Variants in FBXL2 observed in about 807,000 individuals in gnomAD.
FBXL2 encodes F-box and leucine rich repeat protein 2, also known as F-box/LRR-repeat protein 2.
A neutral mutation model predicts 69.2 loss-of-function variants in FBXL2; 38 were observed. The ratio of observed to expected loss-of-function variants is 0.55; its 90% CI spans 0.42 to 0.72. The LOEUF is 0.72. Among genes scored for constraint, FBXL2 ranks in the 30% least tolerant of loss-of-function variants. The probability of loss-of-function intolerance (pLI) is 0.00; values close to 1 mark genes in which losing one functional copy is unlikely to be tolerated. For synonymous variants in FBXL2, 192 were observed against 201.3 expected, an observed-to-expected ratio of 0.95 and a Z score of 0.39; for missense variants, 354 against 520.3, an observed-to-expected ratio of 0.68 and a Z score of 3.11.
In FBXL2 at chr3:33,324,008, G is replaced by A. The variant is rs535907000; in HGVS notation, c.65+26283G>A. Among the ~76,000 whole-genome samples, 125 of 152,272 alleles carry A rather than the reference G, an allele frequency of 8.2e-4. 1 individual carries two copies. The highest frequency in any genetic ancestry group is 1.7e-3 in the Admixed American group (26 of 15,298). On this transcript the variant is annotated intron_variant, in intron 2 of 14. Transcript: ENST00000484457. ...TTTAATGATCGCCATTCTAACTGGCGTGAGATAGTATCTCATTGTGGTTTT... is the reference window on the plus strand; with the variant it reads ...TTTAATGATCGCCATTCTAACTGGCATGAGATAGTATCTCATTGTGGTTTT...
intron 2 of FBXL2, among the ~76,000 whole-genome samples, chr3:33,350,449 T>A (rs1014409728): frequency 2.0e-5 from 3 of 151,402 alleles, no homozygotes; most frequent in Admixed American, 6.6e-5. Flanking sequence ...TTTTTTTTTT[T>A]AAAGACAGAG....
chr3:33,391,297 C>G (rs2043753960), downstream of FBXL2: 1 of 152,206 alleles, frequency 6.6e-6, no homozygotes, highest in Non-Finnish European at 1.5e-5. Context: ...TCTTAGCTCA[C>G]CTGACTTTTA....
intron 4 of FBXL2, among the ~76,000 whole-genome samples, chr3:33,360,941 TTTTTTTTTGA>T (rs2041575005): frequency 1.7e-5 from 2 of 119,912 alleles, no homozygotes; most frequent in African/African-American, 7.6e-5. Flanking sequence ...TTTTTTTTTT[TTTTTTTTTGA>T]GACAGAGTCT....
intron 4 of FBXL2, among the ~76,000 whole-genome samples, chr3:33,363,711 A>AT (rs529599931): frequency 1.6e-3 from 246 of 152,332 alleles, no homozygotes; most frequent in African/African-American, 5.6e-3. Flanking sequence ...GATCTTCTGT[A>AT]TTCCACACAT....
At chr3:33,350,620 G>A (rs938232632) in intron 2 of FBXL2, among the ~76,000 whole-genome samples, 1 of 151,914 alleles carries the variant, frequency 6.6e-6, no homozygotes, top group Non-Finnish European at 1.5e-5. Flanking sequence ...TTTTTTAGTA[G>A]AGATGGGGTT....
At chr3:33,408,128 T>C (rs1046080887), downstream of FBXL2, among the ~76,000 whole-genome samples, 4 of 152,070 alleles carry the variant, frequency 2.6e-5, no homozygotes, top group Non-Finnish European at 4.4e-5. Flanking sequence ...TTTTTTTTTT[T>C]CTACCAGTGC....
chr3:33,419,533 C>T, the FBXL2 span, among the ~76,000 whole-genome samples: 1 of 150,442 alleles, frequency 6.6e-6, no homozygotes, highest in East Asian at 2.0e-4. Context: ...GAGGCTGAGG[C>T]AGGAGAATCA....
chr3:33,420,190 G>T, the FBXL2 span, among the ~76,000 whole-genome samples: 1 of 152,124 alleles, frequency 6.6e-6, no homozygotes, highest in Non-Finnish European at 1.5e-5. Flanking sequence ...TTAGTAACAT[G>T]AACTGAAACT....
Position 33,401,217 on chromosome 3 carries a change from T to C in FBXL2, n.1215-2017T>C, listed in dbSNP as rs144284165. Reference sequence around the variant, plus strand: ...ATGACGAAATTAAGACACAGAAGACTGTGTCTTAATTTGTGCCTTCTTCAT... The same window carrying C: ...ATGACGAAATTAAGACACAGAAGACCGTGTCTTAATTTGTGCCTTCTTCAT... On this transcript the variant is annotated intron_variant and non_coding_transcript_variant, in intron 12 of 12. Transcript: ENST00000463736. 4.1e-4 allele frequency among the ~76,000 whole-genome samples: 63 copies of C among 152,304 alleles called. No homozygotes were observed. In the East Asian group the frequency reaches 0.012, roughly 28 times the overall value.
chr3:33,296,930 A>G (rs1412536055), intron 1 of FBXL2, among the ~76,000 whole-genome samples: 1 of 152,172 alleles, frequency 6.6e-6, no homozygotes, highest in African/African-American at 2.4e-5. Context: ...TCTGTAAAAA[A>G]GGCAGCTGTA....
At chr3:33,359,230 A>G (rs757404012) in intron 3 of FBXL2, 53 bp from the exon 4 acceptor site, 131 of 1,474,242 alleles carry the variant, frequency 8.9e-5, no homozygotes, top group Non-Finnish European at 1.2e-4. Context: ...AATAGTCTCA[A>G]TAAATGTGTT....
chr3:33,382,090 C>T (rs945260019), intron 13 of FBXL2, among the ~76,000 whole-genome samples: 5 of 152,128 alleles, frequency 3.3e-5, no homozygotes, highest in Admixed American at 2.6e-4. Context: ...TTTTATTCTG[C>T]AGGAATACCT....
In FBXL2 at chr3:33,358,949, T is replaced by G; in HGVS notation, c.66-18T>G. 6.7e-7 allele frequency: 1 copy of G among 1,500,838 alleles called. No individual in the cohort carries two copies. The highest frequency in any genetic ancestry group is 9.0e-7 in the Non-Finnish European group (1 of 1,113,690). The allele number at this position is 1,500,838 out of a possible 1,614,324, so 93.0% of individuals were successfully genotyped here. On this transcript the variant is annotated intron_variant, in intron 2 of 14. Coordinates refer to ENST00000484457, the MANE Select transcript of FBXL2 (RefSeq NM_012157.5). ...GTTAACACCATCTCGTTTTTGTGTT[T>G]TTTTCCTCTCTCTGTAGAATATTTT... is the stretch of plus-strand genomic sequence containing the variant.
At chr3:33,382,692 C>T (rs764028266) in intron 13 of FBXL2, 1 of 152,168 alleles carries the variant, frequency 6.6e-6, no homozygotes, top group Admixed American at 6.5e-5. Context: ...TCAGAAACAT[C>T]GAAATAACCC....
intron 10 of FBXL2, among the ~76,000 whole-genome samples, chr3:33,376,491 G>T (rs1261961529): frequency 3.3e-5 from 5 of 152,138 alleles, no homozygotes; most frequent in African/African-American, 4.8e-5. Flanking sequence ...ATCAAAACTG[G>T]CCAGAAAGGA....
downstream of FBXL2, among the ~76,000 whole-genome samples, chr3:33,404,731 A>G (rs1290760030): frequency 1.3e-5 from 2 of 152,208 alleles, no homozygotes; most frequent in Non-Finnish European, 2.9e-5. Flanking sequence ...TGCTATCAAA[A>G]TAATTCAGGA....
chr3:33,283,364 A>G (rs191307022), intron 1 of FBXL2, among the ~76,000 whole-genome samples: 2 of 152,184 alleles, frequency 1.3e-5, no homozygotes, highest in African/African-American at 4.8e-5. Context: ...TGATTTGTGT[A>G]TGTTGAACCA....
intron 2 of FBXL2, among the ~76,000 whole-genome samples, chr3:33,305,661 T>C (rs2036650950): frequency 6.6e-6 from 1 of 152,048 alleles, no homozygotes; most frequent in South Asian, 2.1e-4. Flanking sequence ...GTTAGAACTA[T>C]TAAATTATGT....
chr3:33,308,458 A>G (rs2036910132), intron 2 of FBXL2, among the ~76,000 whole-genome samples: 1 of 152,206 alleles, frequency 6.6e-6, no homozygotes, highest in Non-Finnish European at 1.5e-5. Context: ...TACAGGTATC[A>G]CTTAATGTCA....
Sources: allele counts gnomAD v4.1 joint callset (sites outside exome capture counted in the v4.1 genomes callset), GRCh38; gene constraint gnomAD v4.1.1; transcripts MANE v1.5; gene names NCBI Gene and HGNC (gene_info 2026-07-23, HGNC 2026-07-21).